RABGAP1L: variants seen among roughly 807,000 people sequenced by gnomAD.
RABGAP1L encodes RAB GTPase activating protein 1 like.
In RABGAP1L, 63 loss-of-function variants were observed where a neutral mutation model predicts 137.7. The ratio of observed to expected loss-of-function variants is 0.46; its 90% CI spans 0.37 to 0.56. The LOEUF (loss-of-function observed/expected upper bound fraction) is 0.56. RABGAP1L is among the 20% of genes least tolerant of loss of function. The pLI is 0.00. For synonymous variants in RABGAP1L, 431 were observed against 433.7 expected (o/e 0.99, Z 0.08); for missense variants, 1,095 against 1,244.0 (o/e 0.88, Z 1.80).
intron 14 of RABGAP1L, among the ~76,000 whole-genome samples, chr1:174,644,542 G>GA (rs1039473518): frequency 1.1e-3 from 161 of 145,510 alleles, no homozygotes; most frequent in Non-Finnish European, 8.7e-4. Flanking sequence ...AAATACAAAA[G>GA]AAAAAAAAAA....
intron 19 of RABGAP1L, among the ~76,000 whole-genome samples, chr1:174,871,736 T>C (rs1050591280): frequency 6.6e-6 from 1 of 152,224 alleles, no homozygotes; most frequent in Non-Finnish European, 1.5e-5. Flanking sequence ...GTGAAATGTT[T>C]TAAATAATTA....
chr1:174,894,568 T>A (rs1446841825), intron 19 of RABGAP1L, among the ~76,000 whole-genome samples: 1 of 152,210 alleles, frequency 6.6e-6, no homozygotes, highest in Non-Finnish European at 1.5e-5. Context: ...CATGACTGAG[T>A]TGGCTAAGCT....
At chr1:174,947,612 G>GT (rs1667087528) in intron 19 of RABGAP1L, among the ~76,000 whole-genome samples, 1 of 151,552 alleles carries the variant, frequency 6.6e-6, no homozygotes, top group African/African-American at 2.4e-5. Flanking sequence ...TAGAGATGGG[G>GT]TTCCACCATG....
rs778282792 is a variant in RABGAP1L at position 174,743,654 on chromosome 1, G to GAATA, written c.2170-8645_2170-8642dup. 7.3e-5 allele frequency among the ~76,000 whole-genome samples: 11 copies of GAATA among 151,362 alleles called. No homozygotes were observed. The South Asian group carries it at 1.9e-3, about 26-fold the overall frequency. On this transcript the variant is annotated intron_variant, in intron 17 of 25. Coordinates refer to ENST00000681986, the MANE Select transcript of RABGAP1L (RefSeq NM_001366446.1). Reference sequence around the variant, plus strand: ...CCTAAAATAAAAGTTTAAAATAAATGAATAAATAAATAAATAATAGCAAAA... The same window carrying GAATA: ...CCTAAAATAAAAGTTTAAAATAAATGAATAAATAAATAAATAAATAATAGCAAAA...
rs866046375 is a variant in RABGAP1L, at chr1:174,586,788, G to A, written c.1711-50587G>A. The stretch of plus-strand genomic sequence containing the variant: ...ATTTTGTATTTTTAGTACAGACAGG[G>A]TTTCACCGTGTTGGTCAGTCTGATC... On this transcript the variant is annotated intron_variant, in intron 13 of 25. Coordinates refer to ENST00000681986, the MANE Select transcript of RABGAP1L (RefSeq NM_001366446.1). 9.9e-5 allele frequency among the ~76,000 whole-genome samples: 15 copies of A among 152,192 alleles called. 1 individual carries two copies. The highest frequency in any genetic ancestry group is 6.2e-4 in the South Asian group (3 of 4,820).
chr1:174,833,408 G>GTGTGTGTATATA (rs754029582), intron 19 of RABGAP1L, among the ~76,000 whole-genome samples: 9 of 67,612 alleles, frequency 1.3e-4, no homozygotes, highest in Admixed American at 4.0e-4. Flanking sequence ...GTGTATGTGT[G>GTGTGTGTATATA]TATGTGTGTG....
intron 13 of RABGAP1L, among the ~76,000 whole-genome samples, chr1:174,600,133 A>G (rs1307360984): frequency 6.6e-6 from 1 of 152,212 alleles, no homozygotes; most frequent in Non-Finnish European, 1.5e-5. Flanking sequence ...GCAAAAGCAG[A>G]AACCCCTGAT....
intron 13 of RABGAP1L, among the ~76,000 whole-genome samples, chr1:174,439,493 C>A (rs945717585): frequency 1.3e-5 from 2 of 152,096 alleles, no homozygotes; most frequent in Non-Finnish European, 2.9e-5. Context: ...CAGCATTTGG[C>A]ATTTTTTAGA....
intron 10 of RABGAP1L, among the ~76,000 whole-genome samples, chr1:174,284,372 T>G (rs961625110): frequency 2.7e-4 from 41 of 152,224 alleles, no homozygotes; most frequent in African/African-American, 8.7e-4. Flanking sequence ...TTTTTTTACT[T>G]AGCATAATGC....
At chr1:174,303,094 C>G (rs114843376) in intron 10 of RABGAP1L, among the ~76,000 whole-genome samples, 3 of 151,376 alleles carry the variant, frequency 2.0e-5, no homozygotes, top group Non-Finnish European at 4.4e-5. Context: ...TTAGTGTCAC[C>G]TCTGCAGAGG....
At chr1:174,400,964 C>G (rs143442835) in intron 13 of RABGAP1L, among the ~76,000 whole-genome samples, 1 of 152,144 alleles carries the variant, frequency 6.6e-6, no homozygotes, top group African/African-American at 2.4e-5. Context: ...GTAAATGACT[C>G]TAGGGACCAA....
At chr1:174,477,167 T>C (rs74126811) in intron 13 of RABGAP1L, among the ~76,000 whole-genome samples, 1,876 of 152,300 alleles carry the variant, frequency 0.012, 49 homozygotes, top group African/African-American at 0.043. Context: ...CCAGATAAAA[T>C]GCTGAAAGTT....
At chr1:174,713,058 G>T (rs1680703899) in intron 17 of RABGAP1L, among the ~76,000 whole-genome samples, 1 of 152,176 alleles carries the variant, frequency 6.6e-6, no homozygotes, top group South Asian at 2.1e-4. Flanking sequence ...CAGAGGTGGA[G>T]CCCTCACCAG....
At chr1:174,765,033 A>G (rs1042303382) in intron 18 of RABGAP1L, among the ~76,000 whole-genome samples, 7 of 152,056 alleles carry the variant, frequency 4.6e-5, no homozygotes, top group Non-Finnish European at 7.4e-5. Context: ...ACTACTGTCA[A>G]TCTCATCTGT....
At chr1:174,815,590 C>A (rs1247489924) in intron 19 of RABGAP1L, among the ~76,000 whole-genome samples, 1 of 152,160 alleles carries the variant, frequency 6.6e-6, no homozygotes, top group African/African-American at 2.4e-5. Context: ...GAAACTGAAA[C>A]TGGCTTTAAA....
At chr1:174,260,571 G>A (rs1558079166) in intron 7 of RABGAP1L, among the ~76,000 whole-genome samples, 1 of 152,184 alleles carries the variant, frequency 6.6e-6, no homozygotes, top group Non-Finnish European at 1.5e-5. Flanking sequence ...TAAAGTGTGT[G>A]TACATGAGGT....
chr1:174,458,637 A>T (rs989511621), intron 13 of RABGAP1L, among the ~76,000 whole-genome samples: 3 of 152,246 alleles, frequency 2.0e-5, no homozygotes, highest in African/African-American at 7.2e-5. Context: ...GCTAATCTAC[A>T]TTACTTATAT....
At chr1:174,862,041 C>T (rs1650340395) in intron 19 of RABGAP1L, among the ~76,000 whole-genome samples, 1 of 151,946 alleles carries the variant, frequency 6.6e-6, no homozygotes, top group Admixed American at 6.6e-5. Flanking sequence ...GGAGTTTTTC[C>T]CTTAAGTTTT....
intron 19 of RABGAP1L, among the ~76,000 whole-genome samples, chr1:174,954,546 T>G (rs569394839): frequency 6.6e-6 from 1 of 152,268 alleles, no homozygotes; most frequent in South Asian, 2.1e-4. Context: ...TTGATAATAG[T>G]TTGAAGTTTA....
Sources: allele counts gnomAD v4.1 joint callset (sites outside exome capture counted in the v4.1 genomes callset), GRCh38; gene constraint gnomAD v4.1.1; transcripts MANE v1.5; gene names NCBI Gene and HGNC (gene_info 2026-07-23, HGNC 2026-07-21).